CYB5R4: variants seen among roughly 807,000 people sequenced by gnomAD.
The protein encoded by CYB5R4 is N-terminal cytochrome b5 and cytochrome b5 oxidoreductase domain-containing protein.
Under a neutral mutation model 70.2 loss-of-function variants are expected in CYB5R4, and 55 were observed. The observed-to-expected ratio is 0.78, with a 90% CI of 0.63 to 0.98. CYB5R4 has a LOEUF of 0.98. CYB5R4 is among the 50% of genes least tolerant of loss of function. CYB5R4 has a pLI of 0.00. For synonymous variants in CYB5R4, 197 were observed against 199.5 expected, an observed-to-expected ratio of 0.99 and a Z score of 0.11; for missense variants, 562 against 612.6, an observed-to-expected ratio of 0.92 and a Z score of 0.87.
chr6:83,940,817 T>G (rs2099469638), intron 14 of CYB5R4, among the ~76,000 whole-genome samples: 1 of 152,174 alleles, frequency 6.6e-6, no homozygotes, highest in South Asian at 2.1e-4. Flanking sequence ...TATGTGTCAC[T>G]AAGATGCATA....
chr6:83,873,734 A>G (rs1470663275), intron 2 of CYB5R4, among the ~76,000 whole-genome samples: 1 of 152,178 alleles, frequency 6.6e-6, no homozygotes, highest in Non-Finnish European at 1.5e-5. Context: ...CAAATTTAAA[A>G]TAGAGATGGC....
intron 4 of CYB5R4, among the ~76,000 whole-genome samples, chr6:83,912,281 C>A (rs189244676): frequency 6.6e-6 from 1 of 152,036 alleles, no homozygotes; most frequent in South Asian, 2.1e-4. Context: ...GATAAGCAGA[C>A]TGAATATATT....
chr6:83,941,526 T>C (rs1259950953), intron 14 of CYB5R4, among the ~76,000 whole-genome samples: 1 of 152,182 alleles, frequency 6.6e-6, no homozygotes, highest in Non-Finnish European at 1.5e-5. Context: ...GTAAAGCCCT[T>C]AGAACTTTGT....
Position 83,964,394 on chromosome 6 carries a change from T to C in CYB5R4, c.*4516T>C, listed in dbSNP as rs2099473768. 6.6e-6 allele frequency: 1 copy of C among 152,516 alleles called. No individual in the cohort carries two copies. Among genetic ancestry groups the C allele is most frequent in the Non-Finnish European group, 1.5e-5 (1 of 68,306 alleles). The allele number at this position is 152,516 out of a possible 1,614,324, so 9.4% of individuals were successfully genotyped here. A position where few individuals can be genotyped will look rare whatever the true frequency, so the allele number is the denominator to read the frequency against. ...GGAGCAAAGGTGACTCTTGTTATGA[T>C]TTAGCAAAGAGACTGGCGGCATTTT... On this transcript the variant is annotated 3_prime_UTR_variant, in exon 16 of 16. Coordinates refer to ENST00000369681, the MANE Select transcript of CYB5R4 (RefSeq NM_016230.4).
intron 10 of CYB5R4, among the ~76,000 whole-genome samples, chr6:83,932,778 C>T (rs146031882): frequency 0.01 from 1,584 of 152,198 alleles, 31 homozygotes; most frequent in African/African-American, 0.036. Context: ...TGAGCCTTTA[C>T]GTTAATGTAT....
chr6:83,870,971 C>CTTTTTTTTTTTTTT (rs759131653), intron 2 of CYB5R4, among the ~76,000 whole-genome samples: 6 of 88,588 alleles, frequency 6.8e-5, no homozygotes, highest in African/African-American at 9.9e-5. Flanking sequence ...TCATTGTTTG[C>CTTTTTTTTTTTTTT]TTTTTTTTTT....
intron 2 of CYB5R4, among the ~76,000 whole-genome samples, chr6:83,872,039 TTA>T (rs1052157009): frequency 6.6e-6 from 1 of 152,212 alleles, no homozygotes; most frequent in African/African-American, 2.4e-5. Context: ...TATAGCTAGT[TTA>T]AGATTTTTTT....
Position 83,949,415 on chromosome 6 carries a change from A to G in CYB5R4, c.1347-5883A>G, listed in dbSNP as rs573918402. Among the ~76,000 whole-genome samples the G allele has an allele frequency of 9.2e-4, 140 of 152,290 alleles. 1 individual carries two copies. Among genetic ancestry groups the G allele is most frequent in the Non-Finnish European group, 9.4e-4 (64 of 68,026 alleles). On this transcript the variant is annotated intron_variant, in intron 14 of 15. Transcript: ENST00000369681. ...TAGCATTTAAGGATCTTCATTTTCT[A>G]ATATAGTAAATCATCACTCTTTACC... is the stretch of plus-strand genomic sequence containing the variant.
intron 4 of CYB5R4, chr6:83,910,150 C>A (rs1029950615): frequency 1.9e-6 from 3 of 1,593,032 alleles, no homozygotes; most frequent in Non-Finnish European, 2.6e-6. Flanking sequence ...TCAAAGATTT[C>A]TTTTACTGTC....
intron 2 of CYB5R4, among the ~76,000 whole-genome samples, chr6:83,885,760 G>A (rs893534818): frequency 6.6e-5 from 10 of 152,056 alleles, no homozygotes; most frequent in Non-Finnish European, 1.5e-5. Flanking sequence ...TTGGAATAGT[G>A]ACTAAAAAAG....
chr6:83,928,327 T>C (rs1044706523), intron 10 of CYB5R4, among the ~76,000 whole-genome samples: 3 of 152,020 alleles, frequency 2.0e-5, no homozygotes, highest in Non-Finnish European at 4.4e-5. Context: ...AAACATGAAA[T>C]TGAAGAATAC....
intron 14 of CYB5R4, among the ~76,000 whole-genome samples, chr6:83,947,756 G>T (rs1387739738): frequency 2.0e-5 from 3 of 152,074 alleles, no homozygotes; most frequent in African/African-American, 7.2e-5. Context: ...CTTTCCAATA[G>T]AAGACATTTA....
chr6:83,897,503 CA>C (rs1469883855), intron 3 of CYB5R4, among the ~76,000 whole-genome samples: 1 of 152,198 alleles, frequency 6.6e-6, no homozygotes, highest in Non-Finnish European at 1.5e-5. Flanking sequence ...AACCAGTTTA[CA>C]GTCTCACTAA....
intron 5 of CYB5R4, among the ~76,000 whole-genome samples, chr6:83,916,262 G>A (rs189657385): frequency 2.0e-5 from 3 of 152,086 alleles, no homozygotes; most frequent in Admixed American, 1.3e-4. Flanking sequence ...TACTGGCACC[G>A]AGCTTAAGTA....
At chr6:83,892,592 AAAAT>A (rs1156460259) in intron 2 of CYB5R4, among the ~76,000 whole-genome samples, 1 of 152,190 alleles carries the variant, frequency 6.6e-6, no homozygotes, top group Non-Finnish European at 1.5e-5. Flanking sequence ...TTAAAAGATA[AAAAT>A]AAATAACAGT....
At chr6:83,916,584 T>C (rs772979965) in intron 5 of CYB5R4, among the ~76,000 whole-genome samples, 1 of 152,194 alleles carries the variant, frequency 6.6e-6, no homozygotes, top group Non-Finnish European at 1.5e-5. Flanking sequence ...TGCTAATTAT[T>C]AGTTCACAAC....
At chr6:83,959,687 T>C (rs1320891859) in intron 15 of CYB5R4, 137 bp from the exon 16 acceptor site, 6 of 687,970 alleles carry the variant, frequency 8.7e-6, no homozygotes, top group Non-Finnish European at 1.4e-5. Flanking sequence ...GAGGTGATAG[T>C]GTTTTTTTAT....
At chr6:83,907,222 T>A (rs1384697530) in intron 3 of CYB5R4, among the ~76,000 whole-genome samples, 3 of 152,166 alleles carry the variant, frequency 2.0e-5, no homozygotes, top group Non-Finnish European at 4.4e-5. Flanking sequence ...ATTACAGGCA[T>A]GAGCCACCCC....
intron 2 of CYB5R4, among the ~76,000 whole-genome samples, chr6:83,892,675 G>C (rs749253866): frequency 6.6e-6 from 1 of 152,186 alleles, no homozygotes; most frequent in Non-Finnish European, 1.5e-5. Context: ...TTTGAGAATA[G>C]TTGGGCTTCC....
Sources: gnomAD v4.1 joint callset for allele counts (sites outside exome capture counted in the v4.1 genomes callset) on GRCh38, gnomAD v4.1.1 for gene constraint, MANE v1.5 for transcripts, NCBI Gene and HGNC (gene_info 2026-07-23, HGNC 2026-07-21) for gene names.